Variants in NF1 observed in about 807,000 individuals in gnomAD.
NF1 encodes the protein neurofibromin 1, also known as neurofibromin.
NF1 carries 122 observed loss-of-function variants against 325.7 expected under a neutral mutation model. That is an observed-to-expected ratio of 0.37 (90% CI 0.32 to 0.44). NF1 has a LOEUF of 0.44. Ranked by LOEUF, NF1 falls within the 20% of genes least tolerant of loss-of-function variation. NF1 has a pLI of 1.00. For synonymous variants in NF1, 1,091 were observed against 1,186.0 expected, an observed-to-expected ratio of 0.92 and a Z score of 1.65; for missense variants, 2,140 against 3,415.4, an observed-to-expected ratio of 0.63 and a Z score of 9.31.
chr17:31,174,127 A>C (rs1049088193), intron 5 of NF1, among the ~76,000 whole-genome samples: 18 of 152,334 alleles, frequency 1.2e-4, no homozygotes, highest in Admixed American at 5.9e-4. Context: ...TTGCCAGTAA[A>C]ATCGCTTATA....
At chr17:31,260,853 A>C (rs1264825436) in intron 34 of NF1, among the ~76,000 whole-genome samples, 4 of 152,188 alleles carry the variant, frequency 2.6e-5, no homozygotes, top group African/African-American at 7.2e-5. Flanking sequence ...AGAACAGCCA[A>C]TTCGTAGGAA....
In NF1 at chr17:31,181,760, C is replaced by A. The variant is rs769048538; in HGVS notation, c.705C>A (p.Tyr235Ter). ...ENYPDEFTKL[Y>*]QIPQTDMAEC... ...ATCCAGATGAATTTACAAAACTGTA[C>A]CAGATCCCACAGACTGATATGGCTG... is the stretch of plus-strand genomic sequence containing the variant. The change falls in exon 7 of 58, where the codon TAC becomes TAA. Residue 235 changes from tyrosine (Y) to a stop codon, truncating the protein, a stop_gained. Coordinates refer to ENST00000358273, the MANE Select transcript of NF1 (RefSeq NM_001042492.3). LOFTEE classifies it high-confidence loss of function. 6.2e-7 allele frequency: 1 copy of A among 1,608,190 alleles called. No homozygotes were observed. Among genetic ancestry groups the A allele is most frequent in the Non-Finnish European group, 8.5e-7 (1 of 1,175,546 alleles).
At chr17:31,302,480 C>T (rs938098319) in intron 36 of NF1, among the ~76,000 whole-genome samples, 1 of 152,014 alleles carries the variant, frequency 6.6e-6, no homozygotes, top group Non-Finnish European at 1.5e-5. Context: ...AACAAAAATT[C>T]GTAAAATTAA....
chr17:31,130,322 C>T (rs539313880), intron 1 of NF1, among the ~76,000 whole-genome samples: 16 of 152,226 alleles, frequency 1.1e-4, no homozygotes, highest in South Asian at 2.1e-4. Flanking sequence ...ACAATACTCC[C>T]GTGGGTTGTG....
rs199901687 is a variant in NF1 at position 31,340,492 on chromosome 17, T to A, written c.6922-13T>A. ...ATTCATCTTACTAGCCTCAAACATA[T>A]CTTCTTTGCCAGGACTCGCCTCTGC... On this transcript the variant is annotated splice_polypyrimidine_tract_variant and intron_variant, in intron 46 of 57. Transcript: ENST00000358273. The A allele has an allele frequency of 1.9e-6, 3 of 1,614,202 alleles. No individual in the cohort carries two copies. Among genetic ancestry groups the A allele is most frequent in the Admixed American group, 3.3e-5 (2 of 60,026 alleles).
intron 37 of NF1, among the ~76,000 whole-genome samples, chr17:31,326,780 G>T (rs1220697792): frequency 6.6e-6 from 1 of 152,116 alleles, no homozygotes; most frequent in Non-Finnish European, 1.5e-5. Context: ...TTTTGGAGAG[G>T]GCAATTTGTT....
intron 4 of NF1, among the ~76,000 whole-genome samples, chr17:31,165,907 G>T (rs2065837809): frequency 6.6e-6 from 1 of 152,132 alleles, no homozygotes; most frequent in South Asian, 2.1e-4. Flanking sequence ...GCCCAGGCTT[G>T]TCTTGAACCC....
intron 38 of NF1, among the ~76,000 whole-genome samples, chr17:31,328,611 A>G (rs1201048236): frequency 1.3e-5 from 2 of 152,152 alleles, no homozygotes; most frequent in Non-Finnish European, 1.5e-5. Flanking sequence ...CCTCCCTGCC[A>G]GCATCTCCTT....
intron 34 of NF1, among the ~76,000 whole-genome samples, chr17:31,260,761 A>G (rs1201290793): frequency 6.6e-6 from 1 of 152,212 alleles, no homozygotes; most frequent in Non-Finnish European, 1.5e-5. Flanking sequence ...AAGAAATCAC[A>G]GATTTGCTCT....
At position 31,340,520 on chromosome 17, in the gene NF1, A is replaced by G. The variant is rs1158472356; in HGVS notation, c.6937A>G (p.Lys2313Glu). The G allele has an allele frequency of 6.2e-7, 1 of 1,614,204 alleles. No homozygotes were observed. The highest frequency in any genetic ancestry group is 2.2e-5 in the East Asian group (1 of 44,884). Residue 2313 changes from lysine (K) to glutamate (E), a missense_variant, in exon 47 of 58, where the codon AAA (lysine) becomes GAA (glutamate). By Grantham distance (56) the Lys-to-Glu change is moderately conservative (BLOSUM62 1). Transcript: ENST00000358273. ...PLLNKDSPLH[K>E]ALFWVAVAVL... ...TCTTTGCCAGGACTCGCCTCTGCAC[A>G]AAGCCCTCTTTTGGGTAGCTGTGGC...
At chr17:31,122,981 A>G (rs960374815) in intron 1 of NF1, among the ~76,000 whole-genome samples, 1 of 152,166 alleles carries the variant, frequency 6.6e-6, no homozygotes, top group African/African-American at 2.4e-5. Context: ...TAACCTGGCC[A>G]TTAGTACGTG....
chr17:31,226,179 A>G (rs1228466916), intron 17 of NF1, among the ~76,000 whole-genome samples: 2 of 152,072 alleles, frequency 1.3e-5, no homozygotes, highest in African/African-American at 4.8e-5. Context: ...GATAATATCT[A>G]TTTGATTTGA....
chr17:31,159,591 A>G (rs1456303628), intron 3 of NF1, among the ~76,000 whole-genome samples: 2 of 152,216 alleles, frequency 1.3e-5, no homozygotes, highest in African/African-American at 2.4e-5. Context: ...TGCGATAGGT[A>G]TGTGGAGGAG....
In NF1 at chr17:31,095,019, C is replaced by G. The variant is rs1389463983; in HGVS notation, c.-291C>G. ...ATGGCGGCGTCTCGGACTGTGATGG[C>G]TGTGGGGAGACGGCGCTAGTGGGGA... On this transcript the variant is annotated 5_prime_UTR_variant, in exon 1 of 58. Coordinates refer to ENST00000358273, the MANE Select transcript of NF1 (RefSeq NM_001042492.3). 6.9e-6 allele frequency: 4 copies of G among 581,834 alleles called. No individual in the cohort carries two copies. The East Asian group carries it at 1.2e-4, about 17-fold the overall frequency. The allele number at this position is 581,834 out of a possible 1,614,324, so 36.0% of individuals were successfully genotyped here.
chr17:31,185,554 T>C (rs1196401461), intron 8 of NF1, among the ~76,000 whole-genome samples: 2 of 152,124 alleles, frequency 1.3e-5, no homozygotes, highest in African/African-American at 4.8e-5. Context: ...GTGTGGGGCC[T>C]GTCAAGATAT....
At chr17:31,126,206 A>G (rs76461449) in intron 1 of NF1, among the ~76,000 whole-genome samples, 1 of 152,068 alleles carries the variant, frequency 6.6e-6, no homozygotes, top group African/African-American at 2.4e-5. Flanking sequence ...AGAAAAAAAA[A>G]TTATGTATCT....
intron 36 of NF1, chr17:31,318,569 A>G (rs762183305): frequency 3.7e-6 from 6 of 1,614,130 alleles, no homozygotes; most frequent in Non-Finnish European, 5.1e-6. Context: ...AGAAAGGTAC[A>G]GATAAGAAAA....
At chr17:31,226,406 A>C in intron 17 of NF1, 29 bp from the exon 18 acceptor site, 1 of 1,611,442 alleles carries the variant, frequency 6.2e-7, no homozygotes, top group Non-Finnish European at 8.5e-7. Flanking sequence ...CCAAGTTGCA[A>C]ATATATGTCT....
intron 1 of NF1, among the ~76,000 whole-genome samples, chr17:31,130,091 T>TG (rs1309548939): frequency 6.6e-6 from 1 of 150,918 alleles, no homozygotes; most frequent in East Asian, 1.9e-4. Context: ...TTTGTTTTTT[T>TG]TTTTTTATCC....
Sources: gnomAD v4.1 joint callset for allele counts (sites outside exome capture counted in the v4.1 genomes callset) on GRCh38, gnomAD v4.1.1 for gene constraint, MANE v1.5 for transcripts, NCBI Gene and HGNC (gene_info 2026-07-23, HGNC 2026-07-21) for gene names.